The following DYNC1H1 variants were observed in gnomAD, a reference collection of about 807,000 sequenced individuals.
DYNC1H1 encodes dynein cytoplasmic 1 heavy chain 1, also known as cytoplasmic dynein 1 heavy chain 1.
Under a neutral mutation model 527.1 loss-of-function variants are expected in DYNC1H1, and 51 were observed. The ratio of observed to expected loss-of-function variants is 0.10; its 90% CI spans 0.08 to 0.12. The LOEUF is 0.12. DYNC1H1 is among the 10% of genes least tolerant of loss of function. The pLI is 1.00. For synonymous variants in DYNC1H1, 2,189 were observed against 2,278.8 expected (o/e 0.96, Z 1.12); for missense variants, 2,771 against 5,971.8 (o/e 0.46, Z 17.66).
At chr14:102,046,707 C>G (rs34509705) in intron 72 of DYNC1H1, among the ~76,000 whole-genome samples, 54,456 of 152,140 alleles carry the variant, frequency 0.36, 12,741 homozygotes, top group African/African-American at 0.68. Context: ...GGCTGAAAGC[C>G]GGCCGGGGCT....
At position 102,040,248 on chromosome 14, in the gene DYNC1H1, C is replaced by T. The variant is rs770372842; in HGVS notation, c.11703C>T (p.Tyr3901=). Residue 3901 remains tyrosine, a synonymous_variant, in exon 63 of 78, where the codon TAC becomes TAT. Transcript: ENST00000360184. ...KLKGTVGEPT[Y]DAEFQHFLRG... ...GCACCCTTCGCAGGGAGCCCACCTA[C>T]GATGCAGAATTCCAGCACTTCTTGA... The T allele has an allele frequency of 6.8e-6, 11 of 1,614,186 alleles. No homozygotes were observed. The highest frequency in any genetic ancestry group is 5.5e-5 in the South Asian group (5 of 91,088).
Position 102,050,136 on chromosome 14 carries a change from G to T in DYNC1H1, c.13750G>T (p.Ala4584Ser), listed in dbSNP as rs544608488. 6 of 1,603,430 alleles carry T rather than the reference G, an allele frequency of 3.7e-6. No individual in the cohort carries two copies. In the South Asian group the frequency reaches 6.6e-5, roughly 18 times the overall value. Residue 4584 changes from alanine to serine, a missense_variant, in exon 77 of 78, where the codon GCC becomes TCC. Around this residue, in one of 32 missense-constraint regions of DYNC1H1, gnomAD observed 106 missense variants for 139.2 expected, o/e 0.76. Coordinates refer to ENST00000360184, the MANE Select transcript of DYNC1H1 (RefSeq NM_001376.5). ...KLSLSNAIST[A>S]LPLTQLRWVK... ...GTCACTGTCCAATGCCATCTCAACC[G>T]CCCTTCCCCTGACGCAGCTGCGCTG... is the stretch of plus-strand genomic sequence containing the variant.
Position 102,011,072 on chromosome 14 carries a change from A to G in DYNC1H1, c.6618+120A>G. ...CACAAAGGCTGTGGAGGTGCATAAT[A>G]TGCTTTATGAAGATTTGCCCAAGGC... is the stretch of plus-strand genomic sequence containing the variant. On this transcript the variant is annotated intron_variant, in intron 32 of 77. Transcript: ENST00000360184. This position sits in a 1 kb window ranked among gnomAD's most constrained non-coding sequence, Gnocchi z 5.3. The G allele has an allele frequency of 9.3e-7, 1 of 1,074,882 alleles. No homozygotes were observed. Among genetic ancestry groups the G allele is most frequent in the Non-Finnish European group, 1.4e-6 (1 of 700,420 alleles). The allele number at this position is 1,074,882 out of a possible 1,614,324, so 66.6% of individuals were successfully genotyped here.
At position 102,036,631 on chromosome 14, in the gene DYNC1H1, C is replaced by G; in HGVS notation, c.10897C>G (p.Leu3633Val). The change falls in exon 57 of 78, where the codon CTT (leucine) becomes GTT (valine). Residue 3633 changes from leucine (L) to valine (V), a missense_variant. By Grantham distance (32) the Leu-to-Val change is conservative. Coordinates refer to ENST00000360184, the MANE Select transcript of DYNC1H1 (RefSeq NM_001376.5). The surrounding 1 kb of genome is among the most constrained non-coding windows in gnomAD (Gnocchi z 5.6). ...LESALRFGNP[L>V]LVQDVESYDP... The stretch of plus-strand genomic sequence containing the variant: ...GAGTGCACTGAGATTCGGTAACCCC[C>G]TTCTGGTCCAGGTTGGTGTTGGCCT... 6.2e-7 allele frequency: 1 copy of G among 1,614,108 alleles called. No individual in the cohort carries two copies. Among genetic ancestry groups the G allele is most frequent in the South Asian group, 1.1e-5 (1 of 91,064 alleles).
At position 102,049,849 on chromosome 14, in the gene DYNC1H1, G is replaced by A. The variant is rs145366078; in HGVS notation, c.13651G>A (p.Ala4551Thr). 49 of 1,613,830 alleles carry A rather than the reference G, an allele frequency of 3.0e-5. No individual in the cohort carries two copies. The highest frequency in any genetic ancestry group is 3.7e-5 in the Non-Finnish European group (44 of 1,180,028). ...LEVNVTTSQG[A>T]TLDACSFGVT... ...AGTCAACGTCACCACCTCACAGGGC[G>A]CCACCCTTGACGCTTGCAGCTTCGG... Residue 4551 changes from alanine to threonine, a missense_variant, in exon 76 of 78, where the codon GCC (alanine) becomes ACC (threonine). By Grantham distance (58) the Ala-to-Thr change is moderately conservative. This residue lies in a region of DYNC1H1 where 106 missense variants were observed against 139.2 expected (regional missense o/e 0.76). Transcript: ENST00000360184. The surrounding 1 kb of genome is among the most constrained non-coding windows in gnomAD (Gnocchi z 5.5).
At chr14:102,040,124 C>A in intron 62 of DYNC1H1, 112 bp from the exon 63 acceptor site, 1 of 1,435,464 alleles carries the variant, frequency 7.0e-7, no homozygotes, top group Non-Finnish European at 9.7e-7. Context: ...AGATTATAGG[C>A]CTGAGCCACT....
chr14:101,979,226 C>T lies in DYNC1H1; in HGVS notation c.345-93C>T. 7.8e-7 allele frequency: 1 copy of T among 1,278,898 alleles called. No individual in the cohort carries two copies. Among genetic ancestry groups the T allele is most frequent in the Non-Finnish European group, 1.1e-6 (1 of 899,246 alleles). The allele number at this position is 1,278,898 out of a possible 1,614,324, so 79.2% of individuals were successfully genotyped here. A position where few individuals can be genotyped will look rare whatever the true frequency, so the allele number is the denominator to read the frequency against. ...GCAGTGCATTTCACTATTAGAAAAG[C>T]AACACTTCAGTATATTCTTGTATGA... On this transcript the variant is annotated intron_variant, in intron 2 of 77. Transcript: ENST00000360184. This position sits in a 1 kb window ranked among gnomAD's most constrained non-coding sequence, Gnocchi z 4.6.
At position 102,012,745 on chromosome 14, in the gene DYNC1H1, G is replaced by A; in HGVS notation, c.7014+275G>A. The A allele has an allele frequency of 4.2e-6, 2 of 479,774 alleles. No individual in the cohort carries two copies. The highest frequency in any genetic ancestry group is 7.6e-6 in the Non-Finnish European group (2 of 264,080). The allele number at this position is 479,774 out of a possible 1,614,324, so 29.7% of individuals were successfully genotyped here. The stretch of plus-strand genomic sequence containing the variant: ...ATTATCAGTTAACCCTGTATGGTGG[G>A]GTTGTCGTTAAGGTTTCTTAAGCTG... On this transcript the variant is annotated intron_variant, in intron 34 of 77. Transcript: ENST00000360184. The surrounding 1 kb of genome is among the most constrained non-coding windows in gnomAD (Gnocchi z 4.9).
chr14:102,009,905 A>G lies in DYNC1H1; in HGVS notation c.6040A>G (p.Ile2014Val). The G allele has an allele frequency of 6.2e-7, 1 of 1,614,038 alleles. No individual in the cohort carries two copies. Among genetic ancestry groups the G allele is most frequent in the East Asian group, 2.2e-5 (1 of 44,874 alleles). ...AGTCAAGGTGAGCCCGGACATGGCCATCTTCATCACCATGAACCCTGGCTA... is the reference window on the plus strand; with the variant it reads ...AGTCAAGGTGAGCCCGGACATGGCCGTCTTCATCACCATGAACCCTGGCTA... ...KQVKVSPDMA[I>V]FITMNPGYAG... The change falls in exon 30 of 78, where the codon ATC becomes GTC. Residue 2014 changes from isoleucine (I) to valine (V), a missense_variant. Physicochemically the swap from Ile to Val is conservative, Grantham distance 29. Coordinates refer to ENST00000360184, the MANE Select transcript of DYNC1H1 (RefSeq NM_001376.5).
intron 69 of DYNC1H1, 152 bp from the exon 70 acceptor site, chr14:102,043,723 C>A: frequency 9.8e-7 from 1 of 1,023,706 alleles, no homozygotes; most frequent in Non-Finnish European, 1.5e-6. Context: ...AGTTGGCATA[C>A]TTTTCTCCTA....
At position 102,005,568 on chromosome 14, in the gene DYNC1H1, C is replaced by T. The variant is rs1309415983; in HGVS notation, c.5434-320C>T. The stretch of plus-strand genomic sequence containing the variant: ...GCAGTGCTTGCTGCGAGCCCCATGG[C>T]GGCACGTGGCAGACTCCTAGGATAG... On this transcript the variant is annotated intron_variant, in intron 26 of 77. Coordinates refer to ENST00000360184, the MANE Select transcript of DYNC1H1 (RefSeq NM_001376.5). This position sits in a 1 kb window ranked among gnomAD's most constrained non-coding sequence, Gnocchi z 4.0. 1.3e-5 allele frequency among the ~76,000 whole-genome samples: 2 copies of T among 152,214 alleles called. No homozygotes were observed. The highest frequency in any genetic ancestry group is 6.5e-5 in the Admixed American group (1 of 15,286).
Position 102,029,451 on chromosome 14 carries a change from A to G in DYNC1H1, c.9469-88A>G, listed in dbSNP as rs2048485902. 4.5e-6 allele frequency: 7 copies of G among 1,571,508 alleles called. No homozygotes were observed. The Middle Eastern group carries it at 5.0e-4, about 113-fold the overall frequency. On this transcript the variant is annotated intron_variant, in intron 48 of 77. Coordinates refer to ENST00000360184, the MANE Select transcript of DYNC1H1 (RefSeq NM_001376.5). The surrounding 1 kb of genome is among the most constrained non-coding windows in gnomAD (Gnocchi z 5.3). ...AGGGCCAGGCTCCTTCTATCATGTC[A>G]CACCCATCTGCCAAGGCCAAAATTG...
Position 102,041,960 on chromosome 14 carries a change from A to G in DYNC1H1, c.12103-53A>G. On this transcript the variant is annotated intron_variant, in intron 65 of 77. Transcript: ENST00000360184. This position sits in a 1 kb window ranked among gnomAD's most constrained non-coding sequence, Gnocchi z 4.5. ...ACTCGGGGCTCTCCTTTCCCTTGACAGGTACACACTATTTGCTGGCACTGT... is the reference window on the plus strand; with the variant it reads ...ACTCGGGGCTCTCCTTTCCCTTGACGGGTACACACTATTTGCTGGCACTGT... 6.3e-7 allele frequency: 1 copy of G among 1,592,464 alleles called. No individual in the cohort carries two copies. Among genetic ancestry groups the G allele is most frequent in the Non-Finnish European group, 8.6e-7 (1 of 1,161,168 alleles).
chr14:102,008,095 C>CAT (rs2048217910), intron 28 of DYNC1H1, 83 bp from the exon 29 acceptor site: 1 of 1,592,690 alleles, frequency 6.3e-7, no homozygotes, highest in African/African-American at 1.3e-5. Flanking sequence ...AGGGCATCAA[C>CAT]ATACTGATTT....
At chr14:102,009,144 G>A (rs947257173) in intron 29 of DYNC1H1, among the ~76,000 whole-genome samples, 65 of 152,166 alleles carry the variant, frequency 4.3e-4, no homozygotes, top group African/African-American at 1.5e-3. Flanking sequence ...TCCCTTCCCA[G>A]TTCAACACAA....
chr14:102,015,819 T>G lies in DYNC1H1; in HGVS notation c.7243-37T>G. The G allele has an allele frequency of 6.2e-7, 1 of 1,610,702 alleles. No individual in the cohort carries two copies. Among genetic ancestry groups the G allele is most frequent in the Non-Finnish European group, 8.5e-7 (1 of 1,177,844 alleles). ...GAATCGATGAAACTCGCCTGCCTTT[T>G]GAAAGATAGTTAAGTATCACTCCTT... is the stretch of plus-strand genomic sequence containing the variant. On this transcript the variant is annotated intron_variant, in intron 35 of 77. Coordinates refer to ENST00000360184, the MANE Select transcript of DYNC1H1 (RefSeq NM_001376.5). The surrounding 1 kb of genome is among the most constrained non-coding windows in gnomAD (Gnocchi z 6.9).
chr14:102,043,994 C>T lies in DYNC1H1; in HGVS notation c.12633C>T (p.Asp4211=), dbSNP rs749270078. 1.2e-6 allele frequency: 2 copies of T among 1,614,216 alleles called. No homozygotes were observed. Among genetic ancestry groups the T allele is most frequent in the African/African-American group, 2.7e-5 (2 of 75,064 alleles). The change falls in exon 70 of 78, where the codon GAC becomes GAT. Residue 4211 remains aspartate, a synonymous_variant. Coordinates refer to ENST00000360184, the MANE Select transcript of DYNC1H1 (RefSeq NM_001376.5). The part of the protein sequence containing the change: ...WSKKYEFGES[D]LRSACDTVDT... ...AGAAGTATGAATTTGGAGAGTCTGA[C>T]CTGCGGTCAGCTTGCGATACGGTGG...
chr14:101,975,874 A>G, intron 2 of DYNC1H1, 75 bp downstream of exon 2: 1 of 1,231,194 alleles, frequency 8.1e-7, no homozygotes. Context: ...TTTCTTTTCA[A>G]ACTCAGAAAT....
rs373317658 is a variant in DYNC1H1 at position 101,983,119 on chromosome 14, A to G, written c.1062A>G (p.Arg354=). 2.9e-5 allele frequency: 47 copies of G among 1,614,214 alleles called. 2 individuals carry two copies. The South Asian group carries it at 4.6e-4, about 16-fold the overall frequency. The change falls in exon 6 of 78, where the codon AGA becomes AGG. Residue 354 remains arginine (R), a synonymous_variant. Transcript: ENST00000360184. The surrounding 1 kb of genome is among the most constrained non-coding windows in gnomAD (Gnocchi z 5.3). ...LLSATELDKI[R]QALVAIFTHL... ...CTGCCACGGAGCTGGACAAAATAAGACAGGCGCTTGTTGCCATTTTCACAC... is the reference window on the plus strand; with the variant it reads ...CTGCCACGGAGCTGGACAAAATAAGGCAGGCGCTTGTTGCCATTTTCACAC...
Sources: allele counts gnomAD v4.1 joint callset (sites outside exome capture counted in the v4.1 genomes callset), GRCh38; gene constraint gnomAD v4.1.1; regional missense constraint gnomAD v4.1.1; non-coding constraint Gnocchi (gnomAD v3.1); transcripts MANE v1.5; gene names NCBI Gene and HGNC (gene_info 2026-07-23, HGNC 2026-07-21).